FAM227B: variants seen among roughly 807,000 people sequenced by gnomAD.
FAM227B encodes family with sequence similarity 227 member B.
In FAM227B, 88 loss-of-function variants were observed where a neutral mutation model predicts 73.8. The ratio of observed to expected loss-of-function variants is 1.19; its 90% CI spans 1.00 to 1.42. The LOEUF (loss-of-function observed/expected upper bound fraction) is 1.42, where lower values mean the gene tolerates loss of function less well. FAM227B is among the 40% of genes most tolerant of loss of function. The pLI, the probability that FAM227B is intolerant of heterozygous loss-of-function variation, is 0.00. For synonymous variants in FAM227B, 210 were observed against 190.5 expected, an observed-to-expected ratio of 1.10 and a Z score of -0.84; for missense variants, 632 against 590.9, an observed-to-expected ratio of 1.07 and a Z score of -0.72.
chr15:49,541,988 G>A (rs1039539814), intron 9 of FAM227B, among the ~76,000 whole-genome samples, 182 bp from the exon 10 acceptor site: 4 of 152,184 alleles, frequency 2.6e-5, no homozygotes, highest in East Asian at 1.9e-4. Context: ...ATGCCTGAAA[G>A]CTAAATTTGA....
chr15:49,599,173 G>C (rs1598467748), intron 3 of FAM227B, among the ~76,000 whole-genome samples: 1 of 152,092 alleles, frequency 6.6e-6, no homozygotes, highest in East Asian at 1.9e-4. Context: ...GTCAAGGTAG[G>C]TTGTATGTTT....
chr15:49,463,806 C>A (rs1034708740), intron 11 of FAM227B, among the ~76,000 whole-genome samples: 1 of 152,144 alleles, frequency 6.6e-6, no homozygotes, highest in Non-Finnish European at 1.5e-5. Flanking sequence ...TGAGGAAAGG[C>A]AAGGCAGCTT....
intron 11 of FAM227B, among the ~76,000 whole-genome samples, chr15:49,437,026 C>T (rs1199244095): frequency 6.6e-6 from 1 of 151,558 alleles, no homozygotes; most frequent in Non-Finnish European, 1.5e-5. Context: ...TTTGCTTACA[C>T]ATTGCTAAGA....
At position 49,388,184 on chromosome 15, in the gene FAM227B, C is replaced by T. The variant is rs150687798; in HGVS notation, c.1013-16785G>A. The stretch of plus-strand genomic sequence containing the variant: ...AGCCCAAATAGCCATAGAAATCCTA[C>T]GCAAAAAGAACAAATTTGGAGGCAT... On this transcript the variant is annotated intron_variant, in intron 11 of 15. Coordinates refer to ENST00000299338, the MANE Select transcript of FAM227B (RefSeq NM_152647.3). Among the ~76,000 whole-genome samples, 329 of 151,436 alleles carry T rather than the reference C, an allele frequency of 2.2e-3. 3 individuals carry two copies. Among genetic ancestry groups the T allele is most frequent in the African/African-American group, 6.9e-3 (285 of 41,378 alleles).
chr15:49,433,708 T>C (rs1469257537), intron 11 of FAM227B, among the ~76,000 whole-genome samples: 1 of 151,690 alleles, frequency 6.6e-6, no homozygotes, highest in African/African-American at 2.4e-5. Context: ...TTACCACTGG[T>C]GACACTGGAA....
chr15:49,603,047 G>A (rs936439173), intron 3 of FAM227B, among the ~76,000 whole-genome samples: 3 of 151,998 alleles, frequency 2.0e-5, no homozygotes, highest in African/African-American at 7.2e-5. Flanking sequence ...GGTTAACGCA[G>A]CTTGTAGTAT....
intron 11 of FAM227B, among the ~76,000 whole-genome samples, chr15:49,461,087 T>A (rs1246554186): frequency 1.3e-5 from 2 of 152,188 alleles, no homozygotes; most frequent in Non-Finnish European, 2.9e-5. Context: ...TTCCTTCTAG[T>A]ATGTTTCTCC....
At chr15:49,475,408 G>C (rs1354182962) in intron 11 of FAM227B, among the ~76,000 whole-genome samples, 2 of 152,160 alleles carry the variant, frequency 1.3e-5, no homozygotes, top group Non-Finnish European at 2.9e-5. Context: ...CCTTTGAAAA[G>C]ATTTCAGAGT....
chr15:49,345,202 TG>T (rs1279023905), intron 13 of FAM227B, among the ~76,000 whole-genome samples: 1 of 152,242 alleles, frequency 6.6e-6, no homozygotes, highest in South Asian at 2.1e-4. Context: ...TATATACTAT[TG>T]GTATTGAAAT....
chr15:49,505,972 A>C (rs1306885124), intron 11 of FAM227B, among the ~76,000 whole-genome samples: 2 of 151,990 alleles, frequency 1.3e-5, no homozygotes, highest in Non-Finnish European at 2.9e-5. Flanking sequence ...GCATAGGAAA[A>C]CTGAAGTGTC....
intron 11 of FAM227B, among the ~76,000 whole-genome samples, chr15:49,422,185 CGTGT>C (rs776927701): frequency 1.4e-5 from 2 of 144,668 alleles, no homozygotes; most frequent in South Asian, 5.1e-4. Flanking sequence ...CGCGTGCACG[CGTGT>C]GTGTTTTGAG....
chr15:49,594,563 G>C (rs1342475590), intron 3 of FAM227B, among the ~76,000 whole-genome samples: 1 of 152,026 alleles, frequency 6.6e-6, no homozygotes, highest in African/African-American at 2.4e-5. Context: ...TCAGGTCTTA[G>C]ACTTAAGTCT....
At chr15:49,439,517 T>C (rs1251975713) in intron 11 of FAM227B, among the ~76,000 whole-genome samples, 2 of 151,756 alleles carry the variant, frequency 1.3e-5, no homozygotes, top group African/African-American at 4.8e-5. Context: ...CTACCATGCA[T>C]GGTTTTTGCA....
chr15:49,483,376 TA>T, intron 11 of FAM227B: 1 of 596,406 alleles, frequency 1.7e-6, no homozygotes, highest in Non-Finnish European at 3.0e-6. Flanking sequence ...ATGATTTTAT[TA>T]AAACACTTTA....
In FAM227B at chr15:49,422,652, C is replaced by T. The variant is rs2151741017; in HGVS notation, c.1013-51253G>A. 6 of 1,109,574 alleles carry T rather than the reference C, an allele frequency of 5.4e-6. No homozygotes were observed. The East Asian group carries it at 7.7e-5, about 14-fold the overall frequency. The allele number at this position is 1,109,574 out of a possible 1,614,324, so 68.7% of individuals were successfully genotyped here. ...ACTCTGGAACAGCAGGTAACTTGCCCGAAGTCATACTGGTCATTAGTGGTC... is the reference window on the plus strand; with the variant it reads ...ACTCTGGAACAGCAGGTAACTTGCCTGAAGTCATACTGGTCATTAGTGGTC... On this transcript the variant is annotated intron_variant, in intron 11 of 15. Transcript: ENST00000299338.
At chr15:49,373,174 A>C (rs2045954805) in intron 11 of FAM227B, among the ~76,000 whole-genome samples, 1 of 152,086 alleles carries the variant, frequency 6.6e-6, no homozygotes, top group Non-Finnish European at 1.5e-5. Flanking sequence ...CTGTACACAC[A>C]ATAAAAAGTT....
At chr15:49,457,738 T>A (rs1232786729) in intron 11 of FAM227B, among the ~76,000 whole-genome samples, 1 of 151,924 alleles carries the variant, frequency 6.6e-6, no homozygotes, top group Non-Finnish European at 1.5e-5. Context: ...TGACAAGTTT[T>A]GAGGCTTTAT....
At position 49,350,924 on chromosome 15, in the gene FAM227B, G is replaced by A. The variant is rs370573736; in HGVS notation, c.1272-15428C>T. Among the ~76,000 whole-genome samples, 5 of 152,248 alleles carry A rather than the reference G, an allele frequency of 3.3e-5. No individual in the cohort carries two copies. The South Asian group carries it at 8.3e-4, about 25-fold the overall frequency. Reference sequence around the variant, plus strand: ...TCCACTGCATGGAACAGCTTTCCCCGTGTGCATCACATTCCCCCTTAAAAG... The same window carrying A: ...TCCACTGCATGGAACAGCTTTCCCCATGTGCATCACATTCCCCCTTAAAAG... On this transcript the variant is annotated intron_variant, in intron 13 of 15. Coordinates refer to ENST00000299338, the MANE Select transcript of FAM227B (RefSeq NM_152647.3).
intron 9 of FAM227B, among the ~76,000 whole-genome samples, chr15:49,548,755 A>G (rs1344276929): frequency 6.6e-6 from 1 of 152,166 alleles, no homozygotes; most frequent in Non-Finnish European, 1.5e-5. Context: ...GGGAGGTGGT[A>G]ATATTTAGAA....
Sources: allele counts gnomAD v4.1 joint callset (sites outside exome capture counted in the v4.1 genomes callset), GRCh38; gene constraint gnomAD v4.1.1; transcripts MANE v1.5; gene names NCBI Gene and HGNC (gene_info 2026-07-23, HGNC 2026-07-21).